CSMD1: variants seen among roughly 807,000 people sequenced by gnomAD.
CSMD1 encodes the protein CUB and sushi domain-containing protein 1.
Under a neutral mutation model 417.5 loss-of-function variants are expected in CSMD1, and 213 were observed. That is an observed-to-expected ratio of 0.51 (90% CI 0.46 to 0.57). The LOEUF (loss-of-function observed/expected upper bound fraction) is 0.57, where lower values mean the gene tolerates loss of function less well. CSMD1 is among the 20% of genes least tolerant of loss of function. CSMD1 has a pLI of 0.00. For missense variants in CSMD1, 6,923 were observed against 4,529.7 expected, an observed-to-expected ratio of 1.53 and a Z score of -15.17; for synonymous variants, 2,862 against 1,736.8, an observed-to-expected ratio of 1.65 and a Z score of -16.11.
chr8:3,087,487 T>C (rs1814626656), intron 48 of CSMD1, among the ~76,000 whole-genome samples: 1 of 152,216 alleles, frequency 6.6e-6, no homozygotes, highest in Non-Finnish European at 1.5e-5. Flanking sequence ...GTTGAGATGA[T>C]CTGCAGCTCT....
chr8:4,877,149 A>G (rs1803094947), intron 1 of CSMD1, among the ~76,000 whole-genome samples: 1 of 152,116 alleles, frequency 6.6e-6, no homozygotes, highest in South Asian at 2.1e-4. Context: ...TTTTCATGAC[A>G]CATTTTACAC....
chr8:4,341,654 A>G (rs1392279189), intron 3 of CSMD1, among the ~76,000 whole-genome samples: 4 of 152,152 alleles, frequency 2.6e-5, no homozygotes, highest in African/African-American at 9.7e-5. Flanking sequence ...CTTGTGTTCT[A>G]AAAGCATCTT....
intron 7 of CSMD1, among the ~76,000 whole-genome samples, chr8:3,635,094 AGCTTGTGG>A (rs1211041463): frequency 2.6e-5 from 4 of 152,132 alleles, no homozygotes; most frequent in Admixed American, 2.6e-4. Context: ...CTATAAACAG[AGCTTGTGG>A]GCCTTGACGT....
At chr8:4,611,568 G>C (rs958606750) in intron 2 of CSMD1, among the ~76,000 whole-genome samples, 1 of 152,094 alleles carries the variant, frequency 6.6e-6, no homozygotes, top group Non-Finnish European at 1.5e-5. Context: ...TCCCAGAAGT[G>C]TTTACACTTC....
At chr8:4,051,885 T>C (rs1428175633) in intron 3 of CSMD1, among the ~76,000 whole-genome samples, 4 of 59,508 alleles carry the variant, frequency 6.7e-5, no homozygotes, top group Non-Finnish European at 1.1e-4. Flanking sequence ...CCTTTCTTCC[T>C]TCCTTCCTTC....
intron 1 of CSMD1, among the ~76,000 whole-genome samples, chr8:4,902,929 T>G (rs907816741): frequency 2.0e-5 from 3 of 150,778 alleles, no homozygotes; most frequent in Non-Finnish European, 4.4e-5. Flanking sequence ...TAAACTTATT[T>G]AGCACATTTC....
At chr8:4,823,033 C>G (rs1026401328) in intron 1 of CSMD1, among the ~76,000 whole-genome samples, 2 of 152,094 alleles carry the variant, frequency 1.3e-5, no homozygotes, top group African/African-American at 4.8e-5. Flanking sequence ...CATTCCATCA[C>G]TGTGTCTGTG....
chr8:3,396,466 GA>G, intron 16 of CSMD1, 85 bp from the exon 17 acceptor site: 1 of 950,134 alleles, frequency 1.1e-6, no homozygotes, highest in Non-Finnish European at 1.5e-6. Flanking sequence ...TCCTTAATCA[GA>G]AACCCATGTA....
intron 3 of CSMD1, among the ~76,000 whole-genome samples, chr8:4,419,072 T>G (rs1262196461): frequency 6.6e-6 from 1 of 152,178 alleles, no homozygotes; most frequent in South Asian, 2.1e-4. Context: ...TTTGCCTAAA[T>G]GCAGAGTATT....
intron 1 of CSMD1, among the ~76,000 whole-genome samples, chr8:4,732,868 G>C (rs1231610028): frequency 6.6e-6 from 1 of 152,134 alleles, no homozygotes; most frequent in African/African-American, 2.4e-5. Flanking sequence ...CATTCATTTA[G>C]CAAGCATTTA....
At chr8:4,322,128 T>C (rs529126732) in intron 3 of CSMD1, among the ~76,000 whole-genome samples, 4 of 152,320 alleles carry the variant, frequency 2.6e-5, no homozygotes, top group African/African-American at 7.2e-5. Flanking sequence ...ATTGGATCAT[T>C]TTATCCTCCG....
intron 1 of CSMD1, among the ~76,000 whole-genome samples, chr8:4,673,768 A>G (rs1407949650): frequency 6.6e-6 from 1 of 152,194 alleles, no homozygotes; most frequent in Non-Finnish European, 1.5e-5. Flanking sequence ...AAAAGGTCAC[A>G]CATTGTATGA....
chr8:4,082,074 T>C (rs138491723), intron 3 of CSMD1, among the ~76,000 whole-genome samples: 63 of 152,198 alleles, frequency 4.1e-4, no homozygotes, highest in African/African-American at 1.1e-3. Flanking sequence ...GATTAATTGA[T>C]GAAGATTACT....
intron 5 of CSMD1, among the ~76,000 whole-genome samples, chr8:3,987,799 A>G (rs1317070395): frequency 1.3e-5 from 2 of 152,216 alleles, no homozygotes; most frequent in African/African-American, 4.8e-5. Context: ...GTCAAGAAGC[A>G]TAGCCTTATC....
chr8:4,768,847 G>T (rs981805359), intron 1 of CSMD1, among the ~76,000 whole-genome samples: 2 of 152,152 alleles, frequency 1.3e-5, no homozygotes, highest in African/African-American at 2.4e-5. Flanking sequence ...TATGGGAAGG[G>T]GAGGTGGCTG....
At chr8:3,471,632 C>T (rs1817109018) in intron 11 of CSMD1, among the ~76,000 whole-genome samples, 1 of 141,512 alleles carries the variant, frequency 7.1e-6, no homozygotes, top group South Asian at 2.6e-4. Context: ...CTCCCTCTCT[C>T]CCTCCCTTCT....
chr8:3,948,419 G>C (rs1178775930), intron 5 of CSMD1, among the ~76,000 whole-genome samples: 5 of 152,026 alleles, frequency 3.3e-5, no homozygotes, highest in Non-Finnish European at 7.4e-5. Context: ...GAAAAATAGG[G>C]GAAAGACGTT....
intron 3 of CSMD1, among the ~76,000 whole-genome samples, chr8:4,258,796 G>T (rs533313427): frequency 7.9e-5 from 12 of 152,176 alleles, no homozygotes; most frequent in African/African-American, 2.7e-4. Context: ...AATATTTAGA[G>T]GCAACTCTAA....
At chr8:4,801,422 C>T (rs1239897134) in intron 1 of CSMD1, among the ~76,000 whole-genome samples, 1 of 151,774 alleles carries the variant, frequency 6.6e-6, no homozygotes, top group Non-Finnish European at 1.5e-5. Context: ...CTATTTCGGC[C>T]AGTCAGCTAC....
Sources: allele counts gnomAD v4.1 joint callset (sites outside exome capture counted in the v4.1 genomes callset), GRCh38; gene constraint gnomAD v4.1.1; transcripts MANE v1.5; gene names NCBI Gene and HGNC (gene_info 2026-07-23, HGNC 2026-07-21).